The following MROH1 variants were observed in gnomAD, a reference collection of about 807,000 sequenced individuals.
MROH1 encodes maestro heat like repeat family member 1, also known as maestro heat-like repeat-containing protein family member 1.
In MROH1, 117 loss-of-function variants were observed where a neutral mutation model predicts 116.5. The observed-to-expected ratio is 1.00, with a 90% CI of 0.86 to 1.17. The LOEUF (loss-of-function observed/expected upper bound fraction) is 1.17, where lower values mean the gene tolerates loss of function less well. MROH1 is among the 50% of genes most tolerant of loss of function. The pLI, the probability that MROH1 is intolerant of heterozygous loss-of-function variation, is 0.00. For missense variants in MROH1, 1,873 were observed against 1,338.5 expected (o/e 1.40, Z -6.23); for synonymous variants, 921 against 583.9 (o/e 1.58, Z -8.32).
At chr8:144,254,311 G>T (rs994871144) in intron 33 of MROH1, 102 of 154,610 alleles carry the variant, frequency 6.6e-4, no homozygotes, top group Non-Finnish European at 1.2e-3. Context: ...CAAATTTGCT[G>T]TATCTGTTTT....
chr8:144,192,320 G>A lies in MROH1; in HGVS notation c.867G>A (p.Gln289=), dbSNP rs1828830520. 1.3e-6 allele frequency: 2 copies of A among 1,595,368 alleles called. No homozygotes were observed. The highest frequency in any genetic ancestry group is 4.5e-5 in the East Asian group (2 of 44,274). ...ETFYLSKSLG[Q]ILEAAVSVGS... ...CCTACCCGGAGCAGAGCCTGGGCCA[G>A]ATCCTCGAGGCAGCTGTGAGTGTGG... The change falls in exon 10 of 44, where the codon CAG becomes CAA. Residue 289 remains glutamine, a synonymous_variant. Coordinates refer to ENST00000326134, the MANE Select transcript of MROH1 (RefSeq NM_032450.3).
At chr8:144,256,718 T>C (rs1340847734) in intron 35 of MROH1, among the ~76,000 whole-genome samples, 6 of 152,198 alleles carry the variant, frequency 3.9e-5, no homozygotes, top group Non-Finnish European at 8.8e-5. Context: ...CGCCAGTGGG[T>C]CGGACCCTTG....
At chr8:144,158,953 G>T (rs1818833688) in intron 1 of MROH1, among the ~76,000 whole-genome samples, 1 of 152,074 alleles carries the variant, frequency 6.6e-6, no homozygotes, top group South Asian at 2.1e-4. Context: ...TACCCAGGCT[G>T]GTTTTGAACT....
In MROH1 at chr8:144,191,622, C is replaced by T. The variant is rs78859493; in HGVS notation, c.715-93C>T. On this transcript the variant is annotated intron_variant, in intron 8 of 43. Coordinates refer to ENST00000326134, the MANE Select transcript of MROH1 (RefSeq NM_032450.3). ...TAGCACCCACTGGTAGCCCAGTGTT[C>T]GTTCACGTCCGTCACGGGTGCTTGC... 105 of 1,491,702 alleles carry T rather than the reference C, an allele frequency of 7.0e-5. No individual in the cohort carries two copies. The East Asian group carries it at 2.2e-3, about 31-fold the overall frequency. 92.4% of individuals were successfully genotyped at this position (1,491,702 alleles called of 1,614,324 possible).
intron 15 of MROH1, 51 bp downstream of exon 15, chr8:144,238,914 C>T: frequency 1.3e-6 from 1 of 769,080 alleles, no homozygotes; most frequent in East Asian, 2.4e-5. Flanking sequence ...CTCTCCAGGG[C>T]AGTGGCCCAG....
At chr8:144,191,607 T>TG in intron 8 of MROH1, 108 bp from the exon 9 acceptor site, 1 of 1,432,904 alleles carries the variant, frequency 7.0e-7, no homozygotes, top group Non-Finnish European at 9.4e-7. Context: ...TAGCACCCAC[T>TG]GGTAGCCCAG....
chr8:144,197,932 G>T (rs1255757225), intron 10 of MROH1, among the ~76,000 whole-genome samples: 1 of 150,566 alleles, frequency 6.6e-6, no homozygotes, highest in African/African-American at 2.4e-5. Context: ...AAATTAGCCA[G>T]GTGTGGTGGC....
chr8:144,192,572 C>G lies in MROH1; in HGVS notation c.948+171C>G, dbSNP rs1053955167. On this transcript the variant is annotated intron_variant, in intron 10 of 43. Coordinates refer to ENST00000326134, the MANE Select transcript of MROH1 (RefSeq NM_032450.3). ...GTGACTTCTTAGCGATGTGGCGATG[C>G]TCTTGCCCTGCCCAGTAGTGGCACA... 3 of 712,394 alleles carry G rather than the reference C, an allele frequency of 4.2e-6. No individual in the cohort carries two copies. The African/African-American group carries it at 5.2e-5, about 12-fold the overall frequency. 44.1% of individuals were successfully genotyped at this position (712,394 alleles called of 1,614,324 possible).
intron 33 of MROH1, 102 bp downstream of exon 33, chr8:144,250,468 T>C (rs1842670113): frequency 2.9e-6 from 2 of 701,150 alleles, no homozygotes; most frequent in Non-Finnish European, 5.2e-6. Flanking sequence ...CCCGACTTTC[T>C]GCATGAGTTC....
rs956085460 is a variant in MROH1, at chr8:144,261,152, C to T, written c.4710C>T (p.Thr1570=). The T allele has an allele frequency of 4.4e-5, 34 of 772,488 alleles. No homozygotes were observed. Among genetic ancestry groups the T allele is most frequent in the Non-Finnish European group, 7.2e-5 (30 of 417,676 alleles). The allele number at this position is 772,488 out of a possible 1,614,324, so 47.9% of individuals were successfully genotyped here. The change falls in exon 42 of 44, where the codon ACC becomes ACT. Residue 1570 remains threonine (T), a synonymous_variant. Coordinates refer to ENST00000326134, the MANE Select transcript of MROH1 (RefSeq NM_032450.3). Reference sequence around the variant, plus strand: ...CAGACCTGCTGGGCCGTCTCCTGACCACCTGCCTGTTCTACTTCAAGAGCA... The same window carrying T: ...CAGACCTGCTGGGCCGTCTCCTGACTACCTGCCTGTTCTACTTCAAGAGCA... ...HFPDLLGRLL[T]TCLFYFKSSW...
rs938816808 is a variant in MROH1, at chr8:144,152,888, A to G, written c.-177+4812A>G. On this transcript the variant is annotated intron_variant, in intron 1 of 43. Transcript: ENST00000326134. ...TCTTCTCGTGCTGAGAACACTTAAA[A>G]TCTACTCTCAGCAATTTTCAAGTAT... Among the ~76,000 whole-genome samples, 13 of 152,180 alleles carry G rather than the reference A, an allele frequency of 8.5e-5. 2 individuals are homozygous for G. The South Asian group carries it at 2.7e-3, about 32-fold the overall frequency.
At chr8:144,164,770 C>T (rs1318594080) in intron 3 of MROH1, among the ~76,000 whole-genome samples, 1 of 152,136 alleles carries the variant, frequency 6.6e-6, no homozygotes, top group African/African-American at 2.4e-5. Flanking sequence ...TTTTCAAAGG[C>T]TGTTCAGGCT....
At chr8:144,169,790 G>A (rs1465099396) in intron 4 of MROH1, among the ~76,000 whole-genome samples, 3 of 138,914 alleles carry the variant, frequency 2.2e-5, no homozygotes, top group African/African-American at 5.5e-5. Context: ...CTACAGGTGT[G>A]CACCACCACA....
At chr8:144,257,394 G>A (rs1844085615) in intron 35 of MROH1, among the ~76,000 whole-genome samples, 1 of 152,144 alleles carries the variant, frequency 6.6e-6, no homozygotes, top group Admixed American at 6.5e-5. Flanking sequence ...GGTATACTGG[G>A]AGCAGGCCCC....
At chr8:144,162,672 C>T (rs1350244139) in intron 2 of MROH1, among the ~76,000 whole-genome samples, 1 of 151,510 alleles carries the variant, frequency 6.6e-6, no homozygotes, top group Admixed American at 6.6e-5. Flanking sequence ...GCTGGAATTA[C>T]AGGCATGAGC....
At chr8:144,218,596 A>G (rs1835790366) in intron 12 of MROH1, among the ~76,000 whole-genome samples, 1 of 149,100 alleles carries the variant, frequency 6.7e-6, no homozygotes. Context: ...AATTCATACT[A>G]TTTTGATTAA....
chr8:144,217,627 A>G (rs1473131839), intron 12 of MROH1, among the ~76,000 whole-genome samples: 1 of 152,108 alleles, frequency 6.6e-6, no homozygotes, highest in Non-Finnish European at 1.5e-5. Context: ...CTTTTGAGAC[A>G]GGGTCTCACT....
intron 1 of MROH1, among the ~76,000 whole-genome samples, chr8:144,151,068 T>G (rs1475808151): frequency 6.6e-6 from 1 of 151,388 alleles, no homozygotes; most frequent in African/African-American, 2.4e-5. Context: ...GCCAACATGG[T>G]GAAACCCCGT....
intron 4 of MROH1, among the ~76,000 whole-genome samples, chr8:144,177,366 A>G (rs957279808): frequency 2.6e-5 from 4 of 152,234 alleles, no homozygotes; most frequent in African/African-American, 7.2e-5. Flanking sequence ...GTGCGTGTCA[A>G]GTGGCTGGGT....
Sources: gnomAD v4.1 joint callset for allele counts (sites outside exome capture counted in the v4.1 genomes callset) on GRCh38, gnomAD v4.1.1 for gene constraint, MANE v1.5 for transcripts, NCBI Gene and HGNC (gene_info 2026-07-23, HGNC 2026-07-21) for gene names.